The following DDX50 variants were observed in gnomAD, a reference collection of about 807,000 sequenced individuals.
The protein encoded by DDX50 is ATP-dependent RNA helicase DDX50.
In DDX50, 56 loss-of-function variants were observed where a neutral mutation model predicts 94.8. The observed-to-expected ratio is 0.59, with a 90% confidence interval of 0.48 to 0.74. The LOEUF (loss-of-function observed/expected upper bound fraction) is 0.74, where lower values mean the gene tolerates loss of function less well. DDX50 is among the 30% of genes least tolerant of loss of function. The pLI is 0.00. For synonymous variants in DDX50, 264 were observed against 295.4 expected, an observed-to-expected ratio of 0.89 and a Z score of 1.09; for missense variants, 713 against 881.2, an observed-to-expected ratio of 0.81 and a Z score of 2.42.
In DDX50 at chr10:68,946,661, T is replaced by A. The variant is rs750963183; in HGVS notation, c.*31T>A. Reference sequence around the variant, plus strand: ...TGATAGTTAATCTACCAGTGTGAGCTTGCCTATTTCTGCCTAATCATGTAC... The same window carrying A: ...TGATAGTTAATCTACCAGTGTGAGCATGCCTATTTCTGCCTAATCATGTAC... On this transcript the variant is annotated 3_prime_UTR_variant, in exon 15 of 15. Transcript: ENST00000373585. The A allele has an allele frequency of 1.3e-6, 2 of 1,595,572 alleles. No homozygotes were observed. Among genetic ancestry groups the A allele is most frequent in the Non-Finnish European group, 1.7e-6 (2 of 1,168,722 alleles).
At chr10:68,907,060 T>A (rs1047315928) in intron 2 of DDX50, 53 bp downstream of exon 2, 3 of 1,510,406 alleles carry the variant, frequency 2.0e-6, no homozygotes, top group African/African-American at 1.4e-5. Context: ...TATAGGTTGA[T>A]TTGAATTTTT....
In DDX50 at chr10:68,937,016, T is replaced by C. The variant is rs1424644953; in HGVS notation, c.1676T>C (p.Val559Ala). Residue 559 changes from valine (V) to alanine (A), a missense_variant, in exon 12 of 15, where the codon GTG (valine) becomes GCG (alanine). By Grantham distance (64) the Val-to-Ala change is moderately conservative. Transcript: ENST00000373585. ...AGACTGATAGAAGAGAAAGGTGCAG[T>C]GGATGCATTGGCTGCAGCTTTAGCC... ...AQRLIEEKGA[V>A]DALAAALAHI... 1 of 1,612,678 alleles carries C rather than the reference T, an allele frequency of 6.2e-7. No homozygotes were observed. Among genetic ancestry groups the C allele is most frequent in the Non-Finnish European group, 8.5e-7 (1 of 1,179,974 alleles).
intron 8 of DDX50, among the ~76,000 whole-genome samples, chr10:68,924,066 C>T (rs1200060196): frequency 1.4e-5 from 2 of 147,696 alleles, no homozygotes; most frequent in African/African-American, 5.0e-5. Context: ...TTTCCTGCCT[C>T]AGCATCCACA....
chr10:68,904,005 G>A (rs1021302689), intron 1 of DDX50, among the ~76,000 whole-genome samples: 38 of 149,904 alleles, frequency 2.5e-4, no homozygotes, highest in Non-Finnish European at 4.4e-4. Context: ...TTAGCTGGGC[G>A]TGGTGGCAGA....
chr10:68,945,038 C>T (rs1321940384), intron 14 of DDX50, among the ~76,000 whole-genome samples: 2 of 151,950 alleles, frequency 1.3e-5, no homozygotes, highest in Non-Finnish European at 2.9e-5. Flanking sequence ...TAACCAGTGT[C>T]CTATTTTCTG....
intron 2 of DDX50, among the ~76,000 whole-genome samples, chr10:68,909,344 A>G (rs1271782790): frequency 6.6e-6 from 1 of 152,234 alleles, no homozygotes; most frequent in African/African-American, 2.4e-5. Flanking sequence ...AAAGTTTTCA[A>G]TAAATGTTAA....
At chr10:68,904,252 A>G (rs1265550070) in intron 1 of DDX50, among the ~76,000 whole-genome samples, 1 of 152,054 alleles carries the variant, frequency 6.6e-6, no homozygotes, top group African/African-American at 2.4e-5. Flanking sequence ...TTGAGGCCAC[A>G]GTGAACCATG....
intron 7 of DDX50, among the ~76,000 whole-genome samples, chr10:68,916,383 G>T (rs1427059173): frequency 1.4e-5 from 2 of 147,222 alleles, no homozygotes; most frequent in African/African-American, 5.0e-5. Flanking sequence ...TAAGAAAAAA[G>T]AAGCTTTTTT....
chr10:68,921,782 T>A (rs901012859), intron 8 of DDX50, among the ~76,000 whole-genome samples: 3 of 152,240 alleles, frequency 2.0e-5, no homozygotes, highest in Admixed American at 2.0e-4. Flanking sequence ...ACATTTTCTT[T>A]CCTTCATTGT....
intron 8 of DDX50, among the ~76,000 whole-genome samples, chr10:68,929,056 C>G (rs531963512): frequency 6.6e-6 from 1 of 152,132 alleles, no homozygotes; most frequent in South Asian, 2.1e-4. Flanking sequence ...TCAAGCGATT[C>G]TCCTGCGTCA....
At position 68,901,362 on chromosome 10, in the gene DDX50, G is replaced by C; in HGVS notation, c.-23G>C. On this transcript the variant is annotated 5_prime_UTR_variant, in exon 1 of 15. Transcript: ENST00000373585. ...TAGGTGGTTGTGGCCACTGTGCCCG[G>C]AGGGAGGCGGCGGTGGCCAGTAATG... The C allele has an allele frequency of 6.5e-7, 1 of 1,530,194 alleles. No individual in the cohort carries two copies. The highest frequency in any genetic ancestry group is 8.8e-7 in the Non-Finnish European group (1 of 1,136,514). The allele number at this position is 1,530,194 out of a possible 1,614,324, so 94.8% of individuals were successfully genotyped here.
intron 12 of DDX50, 65 bp from the exon 13 acceptor site, chr10:68,940,995 A>T: frequency 6.4e-7 from 1 of 1,553,636 alleles, no homozygotes; most frequent in Non-Finnish European, 8.7e-7. Flanking sequence ...AGGATTATAG[A>T]GTTAGAATTT....
rs574077432 is a variant in DDX50 at position 68,927,685 on chromosome 10, C to G, written c.1240-6514C>G. 1.5e-3 allele frequency among the ~76,000 whole-genome samples: 224 copies of G among 152,232 alleles called. 1 individual carries two copies. The highest frequency in any genetic ancestry group is 2.5e-3 in the Non-Finnish European group (173 of 68,018). ...ATATATATTTGCCAAGCATGGTGGC[C>G]CATGCCTATTAGCCCAGCACTTTGG... On this transcript the variant is annotated intron_variant, in intron 8 of 14. Transcript: ENST00000373585.
Position 68,901,358 on chromosome 10 carries a change from C to A in DDX50, c.-27C>A. 6.6e-7 allele frequency: 1 copy of A among 1,526,426 alleles called. No individual in the cohort carries two copies. Among genetic ancestry groups the A allele is most frequent in the Non-Finnish European group, 8.8e-7 (1 of 1,134,192 alleles). The allele number at this position is 1,526,426 out of a possible 1,614,324, so 94.6% of individuals were successfully genotyped here. A position where few individuals can be genotyped will look rare whatever the true frequency, so the allele number is the denominator to read the frequency against. ...CCCGTAGGTGGTTGTGGCCACTGTG[C>A]CCGGAGGGAGGCGGCGGTGGCCAGT... is the stretch of plus-strand genomic sequence containing the variant. On this transcript the variant is annotated 5_prime_UTR_variant, in exon 1 of 15. Transcript: ENST00000373585.
At chr10:68,935,098 T>C (rs1842373261) in intron 10 of DDX50, among the ~76,000 whole-genome samples, 180 bp downstream of exon 10, 1 of 152,266 alleles carries the variant, frequency 6.6e-6, no homozygotes. Context: ...ACAGCTTTTA[T>C]TGTGAAGACA....
chr10:68,905,351 TA>T (rs71031803), intron 1 of DDX50, among the ~76,000 whole-genome samples: 17,928 of 140,036 alleles, frequency 0.13, 1,269 homozygotes, highest in Admixed American at 0.19. Flanking sequence ...ATTTAAAACG[TA>T]AAAAAAAAAA....
chr10:68,930,665 TG>T (rs1226905859), intron 8 of DDX50, among the ~76,000 whole-genome samples: 1 of 152,124 alleles, frequency 6.6e-6, no homozygotes, highest in Non-Finnish European at 1.5e-5. Context: ...TTGTTTTTTT[TG>T]GGGGTGGGGA....
At chr10:68,918,416 C>T (rs547850370) in intron 7 of DDX50, among the ~76,000 whole-genome samples, 22 of 147,710 alleles carry the variant, frequency 1.5e-4, no homozygotes, top group African/African-American at 4.5e-4. Flanking sequence ...AACAGTTACT[C>T]TCCATTCCCT....
intron 1 of DDX50, among the ~76,000 whole-genome samples, chr10:68,902,239 C>CA (rs1386161127): frequency 2.1e-5 from 3 of 145,776 alleles, no homozygotes; most frequent in Non-Finnish European, 3.0e-5. Context: ...CTGAAACACT[C>CA]AGAGGATCAC....
Sources: gnomAD v4.1 joint callset for allele counts (sites outside exome capture counted in the v4.1 genomes callset) on GRCh38, gnomAD v4.1.1 for gene constraint, MANE v1.5 for transcripts, NCBI Gene and HGNC (gene_info 2026-07-23, HGNC 2026-07-21) for gene names.